RPS6KB1: variants seen among roughly 807,000 people sequenced by gnomAD.
RPS6KB1 encodes the protein ribosomal protein S6 kinase B1, also known as ribosomal protein S6 kinase beta-1.
In RPS6KB1, 12 loss-of-function variants were observed where a neutral mutation model predicts 70.2. The ratio of observed to expected loss-of-function variants is 0.17; its 90% CI spans 0.11 to 0.28. RPS6KB1 has a LOEUF of 0.28. Among genes scored for constraint, RPS6KB1 ranks in the 10% least tolerant of loss-of-function variants. RPS6KB1 has a pLI of 1.00. For synonymous variants in RPS6KB1, 175 were observed against 211.2 expected, an observed-to-expected ratio of 0.83 and a Z score of 1.49; for missense variants, 270 against 646.6, an observed-to-expected ratio of 0.42 and a Z score of 6.32.
intron 3 of RPS6KB1, 47 bp downstream of exon 3, chr17:59,912,851 T>C (rs1283286512): frequency 1.3e-6 from 2 of 1,591,930 alleles, no homozygotes; most frequent in African/African-American, 1.3e-5. Flanking sequence ...CTTGAATAGA[T>C]TGATTTTTAT....
intron 1 of RPS6KB1, among the ~76,000 whole-genome samples, chr17:59,894,158 G>T (rs2041352640): frequency 6.6e-6 from 1 of 151,978 alleles, no homozygotes; most frequent in Non-Finnish European, 1.5e-5. Flanking sequence ...GGTGGTATGA[G>T]GGCTTTCCTT....
chr17:59,927,052 G>A lies in RPS6KB1; in HGVS notation c.529+470G>A, dbSNP rs191428657. ...GCCTACCACCTCGTAGGAACTTGTT[G>A]ATTCCATATCATTTCTAGATCACAG... On this transcript the variant is annotated intron_variant, in intron 5 of 14. Coordinates refer to ENST00000225577, the MANE Select transcript of RPS6KB1 (RefSeq NM_003161.4). 2.6e-3 allele frequency among the ~76,000 whole-genome samples: 395 copies of A among 152,072 alleles called. 6 individuals carry two copies. The highest frequency in any genetic ancestry group is 9.1e-3 in the African/African-American group (378 of 41,500).
At chr17:59,920,498 G>T (rs1273157918) in intron 4 of RPS6KB1, among the ~76,000 whole-genome samples, 1 of 152,124 alleles carries the variant, frequency 6.6e-6, no homozygotes, top group Non-Finnish European at 1.5e-5. Context: ...CAATTTTATT[G>T]GTAATTGTCT....
At chr17:59,915,775 C>CTTTTT (rs71370143) in intron 4 of RPS6KB1, among the ~76,000 whole-genome samples, 833 of 77,726 alleles carry the variant, frequency 0.011, 55 homozygotes, top group East Asian at 0.027. Context: ...CTACTGCTAT[C>CTTTTT]TTTTTTTTTT....
intron 1 of RPS6KB1, among the ~76,000 whole-genome samples, chr17:59,898,553 A>G (rs1026887739): frequency 6.6e-6 from 1 of 151,844 alleles, no homozygotes; most frequent in Non-Finnish European, 1.5e-5. Flanking sequence ...TCCTGGGTTC[A>G]AGCTATTCTC....
At chr17:59,932,227 A>AC (rs1316151729) in intron 7 of RPS6KB1, among the ~76,000 whole-genome samples, 1 of 150,988 alleles carries the variant, frequency 6.6e-6, no homozygotes, top group Non-Finnish European at 1.5e-5. Context: ...ACATGGTGAA[A>AC]CCCCATCTCT....
rs536760279 is a variant in RPS6KB1, at chr17:59,949,973, A to C, written c.*3185A>C. 7 of 152,666 alleles carry C rather than the reference A, an allele frequency of 4.6e-5. No homozygotes were observed. The South Asian group carries it at 1.4e-3, about 32-fold the overall frequency. 9.5% of individuals were successfully genotyped at this position (152,666 alleles called of 1,614,324 possible). A position where few individuals can be genotyped will look rare whatever the true frequency, so the allele number is the denominator to read the frequency against. On this transcript the variant is annotated 3_prime_UTR_variant, in exon 15 of 15. Coordinates refer to ENST00000225577, the MANE Select transcript of RPS6KB1 (RefSeq NM_003161.4). ...CATGAGAAATGTTGAATTTATGAAG[A>C]ATAGATTTTAAGGCTTTGAAAATGG...
intron 3 of RPS6KB1, 82 bp from the exon 4 acceptor site, chr17:59,914,553 A>G (rs985432372): frequency 8.3e-6 from 8 of 967,242 alleles, no homozygotes; most frequent in African/African-American, 4.9e-5. Flanking sequence ...CTGCTGTGGC[A>G]TATGTTTCTT....
At chr17:59,933,426 TC>T (rs1248772743) in intron 7 of RPS6KB1, among the ~76,000 whole-genome samples, 1 of 152,194 alleles carries the variant, frequency 6.6e-6, no homozygotes, top group African/African-American at 2.4e-5. Flanking sequence ...CCATACTTCT[TC>T]TGTATCAGAG....
At chr17:59,916,389 C>T (rs1254184733) in intron 4 of RPS6KB1, among the ~76,000 whole-genome samples, 1 of 152,206 alleles carries the variant, frequency 6.6e-6, no homozygotes, top group Non-Finnish European at 1.5e-5. Flanking sequence ...CGTGAGCCAC[C>T]GAGCCTGGCA....
intron 1 of RPS6KB1, among the ~76,000 whole-genome samples, chr17:59,901,637 A>G (rs1202695396): frequency 2.7e-5 from 4 of 149,970 alleles, no homozygotes; most frequent in East Asian, 2.0e-4. Context: ...AAAAAAAAAA[A>G]AAAAAAAAAG....
chr17:59,914,863 G>GAC (rs2042848633), intron 4 of RPS6KB1, among the ~76,000 whole-genome samples, 160 bp downstream of exon 4: 1 of 152,146 alleles, frequency 6.6e-6, no homozygotes, highest in Non-Finnish European at 1.5e-5. Flanking sequence ...GTACAGTGGT[G>GAC]CACACCTGTG....
intron 1 of RPS6KB1, among the ~76,000 whole-genome samples, chr17:59,902,610 C>T (rs1271346042): frequency 6.8e-6 from 1 of 147,196 alleles, no homozygotes; most frequent in Non-Finnish European, 1.5e-5. Context: ...TAGGGTCTCA[C>T]TCCGTTGCCC....
intron 1 of RPS6KB1, among the ~76,000 whole-genome samples, chr17:59,910,208 A>C (rs1196058613): frequency 6.6e-6 from 1 of 151,416 alleles, no homozygotes; most frequent in Non-Finnish European, 1.5e-5. Context: ...AAAAAAAAAA[A>C]ACCCGGGTGC....
Position 59,947,745 on chromosome 17 carries a change from A to G in RPS6KB1, c.*957A>G, listed in dbSNP as rs1195242638. ...TCAAGACACCAAATGTCTTCAGCCC[A>G]TGGCTGAAGAACAACAGAAGAGAGT... On this transcript the variant is annotated 3_prime_UTR_variant, in exon 15 of 15. Coordinates refer to ENST00000225577, the MANE Select transcript of RPS6KB1 (RefSeq NM_003161.4). The G allele has an allele frequency of 5.0e-6, 3 of 600,254 alleles. No individual in the cohort carries two copies. Among genetic ancestry groups the G allele is most frequent in the East Asian group, 3.0e-5 (1 of 33,566 alleles). 37.2% of individuals were successfully genotyped at this position (600,254 alleles called of 1,614,324 possible).
chr17:59,914,483 T>C, intron 3 of RPS6KB1, 152 bp from the exon 4 acceptor site: 1 of 661,752 alleles, frequency 1.5e-6, no homozygotes, highest in Non-Finnish European at 2.7e-6. Context: ...AAAGTCATGA[T>C]CATTAATGTG....
rs566862656 is a variant in RPS6KB1, at chr17:59,949,792, T to C, written c.*3004T>C. On this transcript the variant is annotated 3_prime_UTR_variant, in exon 15 of 15. Coordinates refer to ENST00000225577, the MANE Select transcript of RPS6KB1 (RefSeq NM_003161.4). ...GTATGATACTCCATAAATTCAACATTCTTTACTATAGGTAATGAATGATTA... is the reference window on the plus strand; with the variant it reads ...GTATGATACTCCATAAATTCAACATCCTTTACTATAGGTAATGAATGATTA... The C allele has an allele frequency of 1.1e-4, 17 of 152,558 alleles. No individual in the cohort carries two copies. The highest frequency in any genetic ancestry group is 6.8e-3 in the Middle Eastern group (2 of 294). 9.5% of individuals were successfully genotyped at this position (152,558 alleles called of 1,614,324 possible).
chr17:59,893,437 C>A lies in RPS6KB1; in HGVS notation c.141+112C>A. 1 of 1,134,952 alleles carries A rather than the reference C, an allele frequency of 8.8e-7. No homozygotes were observed. The highest frequency in any genetic ancestry group is 1.2e-6 in the Non-Finnish European group (1 of 802,206). 70.3% of individuals were successfully genotyped at this position (1,134,952 alleles called of 1,614,324 possible). Reference sequence around the variant, plus strand: ...GAGACCCAGGGGGGCTCCTGAGGAGCTGAGGGTCGCGCGGCCTGAGACAGG... The same window carrying A: ...GAGACCCAGGGGGGCTCCTGAGGAGATGAGGGTCGCGCGGCCTGAGACAGG... On this transcript the variant is annotated intron_variant, in intron 1 of 14. Transcript: ENST00000225577. This position sits in a 1 kb window ranked among gnomAD's most constrained non-coding sequence, Gnocchi z 4.1.
chr17:59,906,721 G>T (rs1397081663), intron 1 of RPS6KB1, among the ~76,000 whole-genome samples: 1 of 151,972 alleles, frequency 6.6e-6, no homozygotes, highest in East Asian at 1.9e-4. Context: ...TTGAGATGGA[G>T]TCTCGCTCTG....
Sources: gnomAD v4.1 joint callset for allele counts (sites outside exome capture counted in the v4.1 genomes callset) on GRCh38, gnomAD v4.1.1 for gene constraint, Gnocchi (gnomAD v3.1) non-coding constraint, MANE v1.5 for transcripts, NCBI Gene and HGNC (gene_info 2026-07-23, HGNC 2026-07-21) for gene names.